CSNK1D: variants seen among roughly 807,000 people sequenced by gnomAD.
CSNK1D encodes casein kinase I isoform delta.
A neutral mutation model predicts 46.6 loss-of-function variants in CSNK1D; 16 were observed. That is an observed-to-expected ratio of 0.34 (90% CI 0.23 to 0.52). CSNK1D has a LOEUF of 0.52. CSNK1D is among the 20% of genes least tolerant of loss of function. CSNK1D has a pLI of 0.95. For missense variants in CSNK1D, 398 were observed against 578.4 expected, an observed-to-expected ratio of 0.69 and a Z score of 3.20; for synonymous variants, 276 against 228.2, an observed-to-expected ratio of 1.21 and a Z score of -1.89.
intron 3 of CSNK1D, chr17:82,254,248 C>A (rs1344204762): frequency 1.3e-4 from 29 of 220,828 alleles, no homozygotes; most frequent in African/African-American, 7.3e-4. Flanking sequence ...CAGTGCAGTG[C>A]GCTGAGCCGC....
At chr17:82,264,797 C>CTTT (rs528693963) in intron 2 of CSNK1D, among the ~76,000 whole-genome samples, 1,704 of 133,336 alleles carry the variant, frequency 0.013, 64 homozygotes, top group African/African-American at 0.048. Context: ...CACACAAAAT[C>CTTT]TTTTTTTTTT....
In CSNK1D at chr17:82,248,480, C is replaced by CAAGAATGAGG. The variant is rs762019593; in HGVS notation, c.1197+385_1197+394dup. On this transcript the variant is annotated intron_variant, in intron 8 of 8. Transcript: ENST00000314028. This position sits in a 1 kb window ranked among gnomAD's most constrained non-coding sequence, Gnocchi z 4.1. ...ACGGGCCTCCATCCCTGGCCAGTGG[C>CAAGAATGAGG]AAGAATGAGGAAGAATGAGGAAGGC... The CAAGAATGAGG allele has an allele frequency of 1.7e-4, 185 of 1,083,714 alleles. No homozygotes were observed. Among genetic ancestry groups the CAAGAATGAGG allele is most frequent in the Non-Finnish European group, 2.0e-4 (175 of 886,788 alleles). 67.1% of individuals were successfully genotyped at this position (1,083,714 alleles called of 1,614,324 possible). A position where few individuals can be genotyped will look rare whatever the true frequency, so the allele number is the denominator to read the frequency against.
At position 82,273,088 on chromosome 17, in the gene CSNK1D, G is replaced by T; in HGVS notation, c.76+218C>A. 1 of 82,326 alleles carries T rather than the reference G, an allele frequency of 1.2e-5. No individual in the cohort carries two copies. The allele number at this position is 82,326 out of a possible 1,614,324, so 5.1% of individuals were successfully genotyped here. Reference sequence around the variant, plus strand: ...TCCCCTCTCCAGACCCTGCTCCCCCGACCTGGTCCTGCCCCTCCCCCACGT... The same window carrying T: ...TCCCCTCTCCAGACCCTGCTCCCCCTACCTGGTCCTGCCCCTCCCCCACGT... On this transcript the variant is annotated intron_variant, in intron 1 of 8. Transcript: ENST00000314028. This position sits in a 1 kb window ranked among gnomAD's most constrained non-coding sequence, Gnocchi z 5.1.
chr17:82,258,155 C>T (rs551143984), intron 2 of CSNK1D, among the ~76,000 whole-genome samples: 25 of 146,006 alleles, frequency 1.7e-4, no homozygotes, highest in African/African-American at 5.8e-4. Flanking sequence ...TGCAGTGAGC[C>T]GTGATTGCAC....
intron 1 of CSNK1D, among the ~76,000 whole-genome samples, chr17:82,270,750 A>G (rs974441016): frequency 2.8e-5 from 4 of 140,386 alleles, no homozygotes; most frequent in African/African-American, 8.2e-5. Context: ...TGCTGATGGG[A>G]AAAAAAAAAA....
chr17:82,246,838 G>C, intron 8 of CSNK1D: 1 of 986,474 alleles, frequency 1.0e-6, no homozygotes, highest in Non-Finnish European at 1.2e-6. Context: ...AGACTGGCCG[G>C]GGATGAGTCA....
chr17:82,251,636 G>A lies in CSNK1D; in HGVS notation c.737-109C>T, dbSNP rs1214600343. ...GCTGCTGCACACTCAAGGGGAGAAG[G>A]ACAGATGCAAAACACCTGTCAGATT... On this transcript the variant is annotated intron_variant, in intron 5 of 8. Coordinates refer to ENST00000314028, the MANE Select transcript of CSNK1D (RefSeq NM_001893.6). This position sits in a 1 kb window ranked among gnomAD's most constrained non-coding sequence, Gnocchi z 4.5. 3.0e-5 allele frequency: 33 copies of A among 1,116,138 alleles called. No homozygotes were observed. The highest frequency in any genetic ancestry group is 1.9e-4 in the Middle Eastern group (1 of 5,148). The allele number at this position is 1,116,138 out of a possible 1,614,324, so 69.1% of individuals were successfully genotyped here.
Position 82,252,668 on chromosome 17 carries a change from C to A in CSNK1D, c.566-64G>T. 6.5e-7 allele frequency: 1 copy of A among 1,537,736 alleles called. No homozygotes were observed. On this transcript the variant is annotated intron_variant, in intron 4 of 8. Transcript: ENST00000314028. The surrounding 1 kb of genome is among the most constrained non-coding windows in gnomAD (Gnocchi z 4.6). Reference sequence around the variant, plus strand: ...CGTGCTCACGTCAAAGCAAAAGACCCGGCTGGCCGTTCCAGTGGAGACTAG... The same window carrying A: ...CGTGCTCACGTCAAAGCAAAAGACCAGGCTGGCCGTTCCAGTGGAGACTAG...
intron 2 of CSNK1D, among the ~76,000 whole-genome samples, chr17:82,264,636 C>G (rs1179026850): frequency 1.3e-5 from 2 of 152,092 alleles, no homozygotes; most frequent in African/African-American, 4.8e-5. Flanking sequence ...GGGACTTCCC[C>G]CAAGCTATAA....
In CSNK1D at chr17:82,249,214, G is replaced by T. The variant is rs944275163; in HGVS notation, c.1058-200C>A. On this transcript the variant is annotated intron_variant, in intron 7 of 8. Transcript: ENST00000314028. The surrounding 1 kb of genome is among the most constrained non-coding windows in gnomAD (Gnocchi z 6.7). ...GGAGCGAGGTCAAGGGGCTCACAGG[G>T]GAGGAACGTGAGATGCGGGAGGAAT... 3.9e-6 allele frequency: 3 copies of T among 775,732 alleles called. No homozygotes were observed. Among genetic ancestry groups the T allele is most frequent in the Non-Finnish European group, 6.1e-6 (3 of 493,242 alleles). 48.1% of individuals were successfully genotyped at this position (775,732 alleles called of 1,614,324 possible). A position where few individuals can be genotyped will look rare whatever the true frequency, so the allele number is the denominator to read the frequency against.
chr17:82,262,912 G>C (rs1439220242), intron 2 of CSNK1D, among the ~76,000 whole-genome samples: 1 of 152,246 alleles, frequency 6.6e-6, no homozygotes, highest in Non-Finnish European at 1.5e-5. Flanking sequence ...GGGCGCGATG[G>C]CTCACGCCTA....
At position 82,250,114 on chromosome 17, in the gene CSNK1D, G is replaced by A. The variant is rs780379946; in HGVS notation, c.886-512C>T. 51 of 1,290,684 alleles carry A rather than the reference G, an allele frequency of 4.0e-5. No individual in the cohort carries two copies. Among genetic ancestry groups the A allele is most frequent in the Middle Eastern group, 2.2e-4 (1 of 4,604 alleles). The allele number at this position is 1,290,684 out of a possible 1,614,324, so 80.0% of individuals were successfully genotyped here. ...GTGGCGTGGCCAGCAGCCGGCAGCC[G>A]GATCTGTGCTGCACTATCCAGATGC... On this transcript the variant is annotated intron_variant, in intron 6 of 8. Coordinates refer to ENST00000314028, the MANE Select transcript of CSNK1D (RefSeq NM_001893.6). This position sits in a 1 kb window ranked among gnomAD's most constrained non-coding sequence, Gnocchi z 4.6.
At chr17:82,246,622 C>T (rs755728744) in intron 8 of CSNK1D, 167 of 1,007,302 alleles carry the variant, frequency 1.7e-4, no homozygotes, top group Non-Finnish European at 1.9e-4. Flanking sequence ...CAGACCCAGG[C>T]GGAGTCCGGG....
chr17:82,272,491 C>G (rs2051654013), intron 1 of CSNK1D, among the ~76,000 whole-genome samples: 2 of 152,212 alleles, frequency 1.3e-5, no homozygotes. Flanking sequence ...GAGACTGTTA[C>G]AGTCTAAAGG....
rs1034949974 is a variant in CSNK1D at position 82,255,950 on chromosome 17, A to T, written c.188-373T>A. Among the ~76,000 whole-genome samples the T allele has an allele frequency of 1.3e-5, 2 of 152,256 alleles. No homozygotes were observed. The highest frequency in any genetic ancestry group is 4.8e-5 in the African/African-American group (2 of 41,472). ...ATAAAGGAGCAGCAGAGCCCGCCAG[A>T]AACGTCACACAGGAGATGGGAGGAG... On this transcript the variant is annotated intron_variant, in intron 2 of 8. Coordinates refer to ENST00000314028, the MANE Select transcript of CSNK1D (RefSeq NM_001893.6). This position sits in a 1 kb window ranked among gnomAD's most constrained non-coding sequence, Gnocchi z 5.9.
rs952433032 is a variant in CSNK1D, at chr17:82,249,068, C to T, written c.1058-54G>A. 7.2e-6 allele frequency: 11 copies of T among 1,537,886 alleles called. No individual in the cohort carries two copies. The highest frequency in any genetic ancestry group is 2.5e-5 in the East Asian group (1 of 40,794). ...CCGCCCCCGTCTGCTGCCTCTCACT[C>T]GGGGCTTTCTATGAGAGGCTGTGGC... On this transcript the variant is annotated intron_variant, in intron 7 of 8. Coordinates refer to ENST00000314028, the MANE Select transcript of CSNK1D (RefSeq NM_001893.6). This position sits in a 1 kb window ranked among gnomAD's most constrained non-coding sequence, Gnocchi z 6.7.
Position 82,251,608 on chromosome 17 carries a change from CCTG to C in CSNK1D, c.737-84_737-82del. The C allele has an allele frequency of 7.2e-7, 1 of 1,392,820 alleles. No individual in the cohort carries two copies. The highest frequency in any genetic ancestry group is 1.0e-6 in the Non-Finnish European group (1 of 990,186). The allele number at this position is 1,392,820 out of a possible 1,614,324, so 86.3% of individuals were successfully genotyped here. A position where few individuals can be genotyped will look rare whatever the true frequency, so the allele number is the denominator to read the frequency against. On this transcript the variant is annotated intron_variant, in intron 5 of 8. Transcript: ENST00000314028. This position sits in a 1 kb window ranked among gnomAD's most constrained non-coding sequence, Gnocchi z 4.5. ...TCTCTGCCAACGTCGCTGTCTACCTCCTGCTGCTGCACACTCAAGGGGAGAAGG... is the reference window on the plus strand; with the variant it reads ...TCTCTGCCAACGTCGCTGTCTACCTCCTGCTGCACACTCAAGGGGAGAAGG...
Position 82,270,423 on chromosome 17 carries a change from G to A in CSNK1D, c.76+2883C>T, listed in dbSNP as rs8070216. Among the ~76,000 whole-genome samples the A allele has an allele frequency of 2.4e-3, 369 of 152,266 alleles. 2 individuals carry two copies. The highest frequency in any genetic ancestry group is 8.6e-3 in the African/African-American group (357 of 41,532). On this transcript the variant is annotated intron_variant, in intron 1 of 8. Coordinates refer to ENST00000314028, the MANE Select transcript of CSNK1D (RefSeq NM_001893.6). ...ACCCAAAAGCCAAGCTCAAAGCAAG[G>A]TGAACCCCACCTGGAGGATACCAAA...
downstream of CSNK1D, chr17:82,239,597 G>C (rs745552148): frequency 3.2e-5 from 7 of 215,838 alleles, no homozygotes; most frequent in Non-Finnish European, 5.5e-5. Context: ...TCCCTGCAGC[G>C]GCATAGCATT....
Sources: allele counts gnomAD v4.1 joint callset (sites outside exome capture counted in the v4.1 genomes callset), GRCh38; gene constraint gnomAD v4.1.1; non-coding constraint Gnocchi (gnomAD v3.1); transcripts MANE v1.5; gene names NCBI Gene and HGNC (gene_info 2026-07-23, HGNC 2026-07-21).